The following ANO10 variants were observed in gnomAD, a reference collection of about 807,000 sequenced individuals.
ANO10 encodes the protein anoctamin-10.
In ANO10, 77 loss-of-function variants were observed where a neutral mutation model predicts 74.7. That is an observed-to-expected ratio of 1.03 (90% CI 0.86 to 1.25). The LOEUF (loss-of-function observed/expected upper bound fraction) is 1.25. Ranked by LOEUF, ANO10 falls within the 50% of genes most tolerant of loss-of-function variation. The pLI is 0.00. For missense variants in ANO10, 721 were observed against 778.1 expected, an observed-to-expected ratio of 0.93 and a Z score of 0.87; for synonymous variants, 279 against 284.9, an observed-to-expected ratio of 0.98 and a Z score of 0.21.
intron 11 of ANO10, among the ~76,000 whole-genome samples, chr3:43,460,994 G>GA (rs35541318): frequency 0.013 from 1,814 of 135,998 alleles, 28 homozygotes; most frequent in African/African-American, 0.041. Flanking sequence ...GAAGGGGCTA[G>GA]AAAAAAAAAA....
chr3:43,688,837 C>A (rs542932014), intron 1 of ANO10, among the ~76,000 whole-genome samples: 1 of 150,562 alleles, frequency 6.6e-6, no homozygotes, highest in East Asian at 1.9e-4. Flanking sequence ...GAGTGAAACT[C>A]CGTCTTAGAA....
At chr3:43,390,071 G>A (rs2092236733) in intron 12 of ANO10, among the ~76,000 whole-genome samples, 1 of 152,174 alleles carries the variant, frequency 6.6e-6, no homozygotes, top group Admixed American at 6.5e-5. Context: ...TTAAAGTCCT[G>A]GCATCCAGGG....
At chr3:43,642,352 T>C (rs1187466564) in intron 1 of ANO10, among the ~76,000 whole-genome samples, 1 of 152,210 alleles carries the variant, frequency 6.6e-6, no homozygotes, top group East Asian at 1.9e-4. Context: ...TAGTTCAGAA[T>C]TATAATACTA....
At chr3:43,685,579 T>A (rs1383538734) in intron 1 of ANO10, among the ~76,000 whole-genome samples, 1 of 152,214 alleles carries the variant, frequency 6.6e-6, no homozygotes, top group Non-Finnish European at 1.5e-5. Flanking sequence ...AGTATCTTAA[T>A]TTTACATTTT....
intron 1 of ANO10, among the ~76,000 whole-genome samples, chr3:43,662,770 G>C (rs1056956725): frequency 6.6e-6 from 1 of 151,884 alleles, no homozygotes; most frequent in Non-Finnish European, 1.5e-5. Context: ...ACACCTCTGC[G>C]CAAATAAACT....
chr3:43,561,268 A>G lies in ANO10; in HGVS notation c.1428T>C (p.Ala476=). The G allele has an allele frequency of 6.2e-7, 1 of 1,614,218 alleles. No individual in the cohort carries two copies. The highest frequency in any genetic ancestry group is 8.5e-7 in the Non-Finnish European group (1 of 1,180,034). Residue 476 remains alanine (A), a synonymous_variant, in exon 9 of 13, where the codon GCT becomes GCC. Transcript: ENST00000292246. The stretch of plus-strand genomic sequence containing the variant: ...CCAGGATGACTTGTTCATATAATGT[A>G]GCATCAATGTCTGCCTTTAAAGCCT... The part of the protein sequence containing the change: ...KVQALKADID[A]TLYEQVILEK...
At chr3:43,417,525 A>G (rs2092759745) in intron 12 of ANO10, among the ~76,000 whole-genome samples, 1 of 152,016 alleles carries the variant, frequency 6.6e-6, no homozygotes, top group Admixed American at 6.6e-5. Flanking sequence ...CTAGAGAGAG[A>G]GCTGTTTTCC....
At chr3:43,513,049 A>G (rs1186254541) in intron 11 of ANO10, among the ~76,000 whole-genome samples, 1 of 152,242 alleles carries the variant, frequency 6.6e-6, no homozygotes, top group African/African-American at 2.4e-5. Context: ...CTGCAGAGCA[A>G]CAGATAGCTC....
At chr3:43,501,902 T>C (rs2077113597) in intron 11 of ANO10, among the ~76,000 whole-genome samples, 2 of 152,200 alleles carry the variant, frequency 1.3e-5, no homozygotes, top group African/African-American at 2.4e-5. Context: ...AGCCACAGAG[T>C]ACAAGAACAC....
intron 12 of ANO10, among the ~76,000 whole-genome samples, chr3:43,419,047 G>A (rs1346847089): frequency 6.6e-6 from 1 of 152,232 alleles, no homozygotes; most frequent in East Asian, 1.9e-4. Context: ...CTAGCCCAGA[G>A]AATCTGTTTC....
At chr3:43,427,626 TC>T (rs938019624) in intron 12 of ANO10, among the ~76,000 whole-genome samples, 3 of 152,226 alleles carry the variant, frequency 2.0e-5, no homozygotes, top group Non-Finnish European at 4.4e-5. Context: ...TAACTCAATT[TC>T]TGATCTGGTC....
chr3:43,553,597 C>T (rs1222004593), intron 10 of ANO10, among the ~76,000 whole-genome samples: 4 of 150,196 alleles, frequency 2.7e-5, no homozygotes, highest in Non-Finnish European at 4.4e-5. Flanking sequence ...AGTGCAGTGG[C>T]GCAATCCAGC....
chr3:43,380,651 C>T (rs537571255), intron 12 of ANO10, among the ~76,000 whole-genome samples: 26 of 152,248 alleles, frequency 1.7e-4, no homozygotes, highest in East Asian at 3.9e-4. Flanking sequence ...TGAGAGAATT[C>T]GCCACTACCA....
chr3:43,500,097 C>G, intron 11 of ANO10, among the ~76,000 whole-genome samples: 1 of 152,050 alleles, frequency 6.6e-6, no homozygotes, highest in East Asian at 1.9e-4. Context: ...TCCACCTGCC[C>G]GGCCTCCCAA....
At chr3:43,520,087 C>T (rs1423894134) in intron 11 of ANO10, among the ~76,000 whole-genome samples, 1 of 152,132 alleles carries the variant, frequency 6.6e-6, no homozygotes, top group Non-Finnish European at 1.5e-5. Flanking sequence ...TCCTGATACC[C>T]ACATGGCTGA....
rs529847895 is a variant in ANO10, at chr3:43,475,048, A to G, written c.1798-42321T>C. ...GCCAGAGAAAACTACTGGTGTTAAC[A>G]TTGGATTATATCTGCCCAGGCCATT... On this transcript the variant is annotated intron_variant, in intron 11 of 12. Transcript: ENST00000292246. Among the ~76,000 whole-genome samples, 28 of 152,360 alleles carry G rather than the reference A, an allele frequency of 1.8e-4. No homozygotes were observed. In the South Asian group the frequency reaches 5.6e-3, roughly 30 times the overall value.
At chr3:43,433,353 T>C (rs944126260) in intron 11 of ANO10, among the ~76,000 whole-genome samples, 5 of 152,150 alleles carry the variant, frequency 3.3e-5, no homozygotes, top group African/African-American at 4.8e-5. Context: ...CACAAACTCT[T>C]TTCTAGAAAC....
At chr3:43,672,799 A>G (rs928463223) in intron 1 of ANO10, among the ~76,000 whole-genome samples, 4 of 152,114 alleles carry the variant, frequency 2.6e-5, no homozygotes, top group African/African-American at 9.7e-5. Context: ...CATTGATTTA[A>G]AGTAGACAGT....
In ANO10 at chr3:43,600,591, C is replaced by T; in HGVS notation, c.140-10G>A. 1 of 1,588,172 alleles carries T rather than the reference C, an allele frequency of 6.3e-7. No individual in the cohort carries two copies. The highest frequency in any genetic ancestry group is 1.3e-5 in the African/African-American group (1 of 74,370). On this transcript the variant is annotated splice_polypyrimidine_tract_variant and intron_variant, in intron 2 of 12. Coordinates refer to ENST00000292246, the MANE Select transcript of ANO10 (RefSeq NM_018075.5). ...AACAACAACTGGGCACCTTCAAAAA[C>T]AAAAGATAAGCACAATCTTAGACAA...
Sources: gnomAD v4.1 joint callset for allele counts (sites outside exome capture counted in the v4.1 genomes callset) on GRCh38, gnomAD v4.1.1 for gene constraint, MANE v1.5 for transcripts, NCBI Gene and HGNC (gene_info 2026-07-23, HGNC 2026-07-21) for gene names.